Variants in KCNQ3 observed in about 807,000 individuals in gnomAD.
The protein encoded by KCNQ3 is potassium voltage-gated channel subfamily Q member 3.
Under a neutral mutation model 92.5 loss-of-function variants are expected in KCNQ3, and 30 were observed. The ratio of observed to expected loss-of-function variants is 0.32; its 90% CI spans 0.24 to 0.44. The LOEUF (loss-of-function observed/expected upper bound fraction) is 0.44, where lower values mean the gene tolerates loss of function less well. Ranked by LOEUF, KCNQ3 falls within the 20% of genes least tolerant of loss-of-function variation. KCNQ3 has a pLI of 1.00. For missense variants in KCNQ3, 913 were observed against 1,140.3 expected (o/e 0.80, Z 2.87); for synonymous variants, 450 against 468.8 (o/e 0.96, Z 0.52).
intron 5 of KCNQ3, 29 bp downstream of exon 5, chr8:132,175,424 C>A (rs1450373966): frequency 6.2e-7 from 1 of 1,613,326 alleles, no homozygotes; most frequent in South Asian, 1.1e-5. Context: ...GTCAATCTCA[C>A]AGAATTGGCC....
At chr8:132,241,742 G>A (rs1199770052) in intron 1 of KCNQ3, among the ~76,000 whole-genome samples, 1 of 151,220 alleles carries the variant, frequency 6.6e-6, no homozygotes, top group Non-Finnish European at 1.5e-5. Context: ...GCTGAGGCAG[G>A]AAAATCACTT....
chr8:132,163,776 C>T (rs1456611586), intron 8 of KCNQ3, among the ~76,000 whole-genome samples: 1 of 152,176 alleles, frequency 6.6e-6, no homozygotes, highest in Non-Finnish European at 1.5e-5. Flanking sequence ...CTTACTCTGC[C>T]CCAGCTCTCA....
chr8:132,453,143 G>C (rs967463704), intron 1 of KCNQ3, among the ~76,000 whole-genome samples: 1 of 152,148 alleles, frequency 6.6e-6, no homozygotes, highest in African/African-American at 2.4e-5. Flanking sequence ...GTCTAGGAAG[G>C]GCCATGGTGA....
At chr8:132,259,858 A>G (rs1197159804) in intron 1 of KCNQ3, among the ~76,000 whole-genome samples, 1 of 152,192 alleles carries the variant, frequency 6.6e-6, no homozygotes, top group Non-Finnish European at 1.5e-5. Flanking sequence ...TATGCTAGCA[A>G]GAAACATTCT....
chr8:132,224,400 C>T (rs1814340765), intron 1 of KCNQ3, among the ~76,000 whole-genome samples: 1 of 151,984 alleles, frequency 6.6e-6, no homozygotes, highest in Admixed American at 6.5e-5. Flanking sequence ...CTGATGGGTG[C>T]CTCCTGGTGG....
chr8:132,340,722 G>A (rs559084371), intron 1 of KCNQ3, among the ~76,000 whole-genome samples: 5 of 152,216 alleles, frequency 3.3e-5, no homozygotes, highest in Admixed American at 6.5e-5. Context: ...CCACCATGAC[G>A]CATGTATACC....
intron 1 of KCNQ3, among the ~76,000 whole-genome samples, chr8:132,371,538 T>C (rs1352375061): frequency 2.0e-5 from 3 of 152,186 alleles, no homozygotes; most frequent in Non-Finnish European, 2.9e-5. Context: ...ATACAACCTA[T>C]GGCTACCTTC....
At chr8:132,281,344 C>T (rs1249261433) in intron 1 of KCNQ3, among the ~76,000 whole-genome samples, 2 of 152,090 alleles carry the variant, frequency 1.3e-5, no homozygotes, top group Non-Finnish European at 2.9e-5. Context: ...AAGCACCTGC[C>T]CTTCCTCCTT....
At chr8:132,136,867 T>TC (rs1825115237) in intron 12 of KCNQ3, among the ~76,000 whole-genome samples, 1 of 149,130 alleles carries the variant, frequency 6.7e-6, no homozygotes, top group East Asian at 1.9e-4. Flanking sequence ...CATAACTTTT[T>TC]TTTTTTTTTT....
intron 1 of KCNQ3, among the ~76,000 whole-genome samples, chr8:132,308,532 TCA>T (rs1491007083): frequency 6.6e-6 from 1 of 152,152 alleles, no homozygotes; most frequent in Admixed American, 6.5e-5. Context: ...AGCCATGTTC[TCA>T]GAGTTATTTA....
intron 1 of KCNQ3, among the ~76,000 whole-genome samples, chr8:132,443,885 C>T (rs534839895): frequency 6.6e-6 from 1 of 152,126 alleles, no homozygotes; most frequent in African/African-American, 2.4e-5. Flanking sequence ...TACTCAACAA[C>T]TACTTTCACA....
intron 11 of KCNQ3, 133 bp from the exon 12 acceptor site, chr8:132,138,149 C>CGTTTG: frequency 9.7e-7 from 1 of 1,026,954 alleles, no homozygotes; most frequent in Non-Finnish European, 1.5e-6. Context: ...GAACTTCCAA[C>CGTTTG]GTTTGGTTCT....
chr8:132,368,732 C>T (rs76740736), intron 1 of KCNQ3, among the ~76,000 whole-genome samples: 6,089 of 152,082 alleles, frequency 0.04, 358 homozygotes, highest in African/African-American at 0.13. Context: ...CTTTTTACAA[C>T]AAATGTTTTA....
intron 1 of KCNQ3, among the ~76,000 whole-genome samples, chr8:132,265,058 A>C (rs1236048543): frequency 6.6e-6 from 1 of 151,300 alleles, no homozygotes; most frequent in Non-Finnish European, 1.5e-5. Flanking sequence ...TAAAATGGGA[A>C]TAGCTAACAT....
At chr8:132,179,019 G>T (rs1826661526) in intron 4 of KCNQ3, among the ~76,000 whole-genome samples, 1 of 146,248 alleles carries the variant, frequency 6.8e-6, no homozygotes, top group African/African-American at 2.6e-5. Flanking sequence ...ATACTCTCTT[G>T]GGAAGCAAGG....
At chr8:132,335,196 A>G (rs1470789161) in intron 1 of KCNQ3, among the ~76,000 whole-genome samples, 1 of 152,040 alleles carries the variant, frequency 6.6e-6, no homozygotes, top group East Asian at 1.9e-4. Context: ...GCGTGCCACC[A>G]TGCCCAGCTA....
intron 13 of KCNQ3, among the ~76,000 whole-genome samples, chr8:132,132,653 G>A (rs1824922004): frequency 8.0e-6 from 1 of 124,468 alleles, no homozygotes; most frequent in South Asian, 2.3e-4. Flanking sequence ...TGTGTGTGCA[G>A]GTGGAGAAGG....
chr8:132,333,283 CAG>C (rs148865892), intron 1 of KCNQ3, among the ~76,000 whole-genome samples: 1,606 of 150,462 alleles, frequency 0.011, 34 homozygotes, highest in African/African-American at 0.037. Context: ...TAAGAAAGTT[CAG>C]AGAGAGAGAG....
At chr8:132,225,736 T>C (rs1814391669) in intron 1 of KCNQ3, among the ~76,000 whole-genome samples, 1 of 152,204 alleles carries the variant, frequency 6.6e-6, no homozygotes, top group Admixed American at 6.5e-5. Context: ...AGAGAAGTTA[T>C]ACAATATTTA....
Sources: allele counts gnomAD v4.1 joint callset (sites outside exome capture counted in the v4.1 genomes callset), GRCh38; gene constraint gnomAD v4.1.1; transcripts MANE v1.5; gene names NCBI Gene and HGNC (gene_info 2026-07-23, HGNC 2026-07-21).